Variants in BYSL observed in about 807,000 individuals in gnomAD.
BYSL encodes bystin like.
Under a neutral mutation model 45.4 loss-of-function variants are expected in BYSL, and 21 were observed. The observed-to-expected ratio is 0.46, with a 90% CI of 0.33 to 0.67. The LOEUF is 0.67. Ranked by LOEUF, BYSL falls within the 30% of genes least tolerant of loss-of-function variation. BYSL has a pLI of 0.02. For missense variants in BYSL, 522 were observed against 578.5 expected (o/e 0.90, Z 1.00); for synonymous variants, 215 against 231.3 (o/e 0.93, Z 0.64).
intron 1 of BYSL, among the ~76,000 whole-genome samples, chr6:41,926,295 C>G (rs1775562396): frequency 6.6e-6 from 1 of 152,134 alleles, no homozygotes; most frequent in African/African-American, 2.4e-5. Flanking sequence ...GCAGTCTAGA[C>G]CCAGACTACC....
chr6:41,925,606 G>T (rs1047961524), intron 1 of BYSL, among the ~76,000 whole-genome samples: 2 of 152,004 alleles, frequency 1.3e-5, no homozygotes, highest in Non-Finnish European at 2.9e-5. Context: ...CTCGTGATCC[G>T]CCCGCCTTGG....
intron 1 of BYSL, among the ~76,000 whole-genome samples, chr6:41,927,134 G>A (rs1775574533): frequency 6.6e-6 from 1 of 151,754 alleles, no homozygotes. Flanking sequence ...ACTGAGTATG[G>A]TATGTTAACT....
intron 2 of BYSL, among the ~76,000 whole-genome samples, chr6:41,929,674 G>A (rs1157629630): frequency 1.3e-5 from 2 of 152,138 alleles, no homozygotes; most frequent in South Asian, 2.1e-4. Flanking sequence ...CATAGATAAC[G>A]CTTACTGTGT....
chr6:41,909,301 T>C, the BYSL span: 2 of 1,614,088 alleles, frequency 1.2e-6, no homozygotes, highest in Non-Finnish European at 1.7e-6. Context: ...CTGGGCCCCA[T>C]TGTGACCGTG....
chr6:41,914,073 C>A, the BYSL span, among the ~76,000 whole-genome samples: 1 of 152,120 alleles, frequency 6.6e-6, no homozygotes, highest in Non-Finnish European at 1.5e-5. Context: ...GAAATGTATA[C>A]AGGGAACAAA....
At position 41,931,549 on chromosome 6, in the gene BYSL, G is replaced by T; in HGVS notation, c.858G>T (p.Trp286Cys). ...AGGCCCTTTTCAAACCTGGAGCCTG[G>T]TTCAAAGGTGGGATCCCAGAGGCAC... Reference protein sequence around the residue: ...LKKALFKPGAWFKGILIPLCE... With the variant: ...LKKALFKPGACFKGILIPLCE... The change falls in exon 5 of 7, where the codon TGG becomes TGT. Residue 286 changes from tryptophan (W) to cysteine (C), a missense_variant. Trp to Cys is a radical substitution (Grantham distance 215, BLOSUM62 -2). Transcript: ENST00000230340. The T allele has an allele frequency of 6.2e-7, 1 of 1,614,192 alleles. No individual in the cohort carries two copies. The highest frequency in any genetic ancestry group is 8.5e-7 in the Non-Finnish European group (1 of 1,180,032).
Position 41,921,793 on chromosome 6 carries a change from C to A in BYSL, c.231C>A (p.Asp77Glu), listed in dbSNP as rs1357725918. The change falls in exon 1 of 7, where the codon GAC (aspartate) becomes GAA (glutamate). Residue 77 changes from aspartate to glutamate, a missense_variant. Coordinates refer to ENST00000230340, the MANE Select transcript of BYSL (RefSeq NM_004053.4). ...TCGAGGCCGAGCATGGGACTGGGGA[C>A]AAGCCCGCGGCGCCGCGGGAACGCA... ...EELEAEHGTG[D>E]KPAAPRERTT... 6.2e-7 allele frequency: 1 copy of A among 1,612,378 alleles called. No individual in the cohort carries two copies. Among genetic ancestry groups the A allele is most frequent in the Non-Finnish European group, 8.5e-7 (1 of 1,179,662 alleles).
rs1234093653 is a variant in BYSL, at chr6:41,932,446, C to T, written c.1054C>T (p.Leu352=). 21 of 1,614,078 alleles carry T rather than the reference C, an allele frequency of 1.3e-5. No individual in the cohort carries two copies. The highest frequency in any genetic ancestry group is 1.6e-4 in the Middle Eastern group (1 of 6,084). The part of the protein sequence containing the change: ...LRLLLDKKYA[L]PYRVLDALVF... ...ACTGCTGCTGGATAAGAAGTATGCA[C>T]TGCCTTACCGGGTGCTGGATGCCCT... Residue 352 remains leucine (L), a synonymous_variant, in exon 7 of 7, where the codon CTG becomes TTG. Transcript: ENST00000230340. This position sits in a 1 kb window ranked among gnomAD's most constrained non-coding sequence, Gnocchi z 4.7.
upstream of BYSL, chr6:41,921,414 G>A (rs1775463619): frequency 8.8e-7 from 1 of 1,130,288 alleles, no homozygotes; most frequent in Non-Finnish European, 1.2e-6. Flanking sequence ...TGGGAGGGGC[G>A]GCGCTGATGG....
chr6:41,927,717 C>T, intron 2 of BYSL, 181 bp downstream of exon 2: 2 of 658,160 alleles, frequency 3.0e-6, no homozygotes, highest in Non-Finnish European at 5.0e-6. Context: ...ATGACCCAGC[C>T]TCAAAAAACA....
At chr6:41,916,886 A>T (rs750378983), upstream of BYSL, 1 of 1,614,020 alleles carries the variant, frequency 6.2e-7, no homozygotes, top group Non-Finnish European at 8.5e-7. Flanking sequence ...CCGGGTAAGG[A>T]GCTCTACGGT....
At position 41,921,523 on chromosome 6, in the gene BYSL, TCC is replaced by T. The variant is rs1775471180; in HGVS notation, c.-37_-36del. ...CAAGCGCATCCTGGCCTTTCTTCAG[TCC>T]CCACGTGCGATCCTTCCCGGCAACT... On this transcript the variant is annotated 5_prime_UTR_variant, in exon 1 of 7. Transcript: ENST00000230340. 6.5e-7 allele frequency: 1 copy of T among 1,532,410 alleles called. No individual in the cohort carries two copies. The highest frequency in any genetic ancestry group is 2.0e-5 in the Admixed American group (1 of 48,910). 94.9% of individuals were successfully genotyped at this position (1,532,410 alleles called of 1,614,324 possible). A position where few individuals can be genotyped will look rare whatever the true frequency, so the allele number is the denominator to read the frequency against.
chr6:41,915,415 C>T, the BYSL span, among the ~76,000 whole-genome samples: 7 of 152,100 alleles, frequency 4.6e-5, no homozygotes, highest in East Asian at 1.3e-3. Context: ...GATCAACTGA[C>T]CCCAGGAATT....
Position 41,932,750 on chromosome 6 carries a change from C to A in BYSL, c.*44C>A. Reference sequence around the variant, plus strand: ...CTGGCCAAAGGGGTTTGGAAGGACACCAAGACCCCCGTTGGTGACTGAAGA... The same window carrying A: ...CTGGCCAAAGGGGTTTGGAAGGACAACAAGACCCCCGTTGGTGACTGAAGA... On this transcript the variant is annotated 3_prime_UTR_variant, in exon 7 of 7. Transcript: ENST00000230340. The surrounding 1 kb of genome is among the most constrained non-coding windows in gnomAD (Gnocchi z 4.7). The A allele has an allele frequency of 6.4e-7, 1 of 1,551,078 alleles. No homozygotes were observed. The highest frequency in any genetic ancestry group is 1.2e-5 in the South Asian group (1 of 82,386).
At chr6:41,915,221 C>A in the BYSL span, among the ~76,000 whole-genome samples, 2 of 152,094 alleles carry the variant, frequency 1.3e-5, no homozygotes, top group African/African-American at 4.8e-5. Flanking sequence ...ATCCCTTGAG[C>A]TCAGGAGTTT....
chr6:41,911,688 G>C, the BYSL span, among the ~76,000 whole-genome samples: 1 of 152,016 alleles, frequency 6.6e-6, no homozygotes, highest in Admixed American at 6.6e-5. Context: ...AAAAGGGTGC[G>C]AGGGCGGCGA....
chr6:41,931,514 G>A lies in BYSL; in HGVS notation c.823G>A (p.Ala275Thr), dbSNP rs774498965. 10 of 1,614,146 alleles carry A rather than the reference G, an allele frequency of 6.2e-6. No homozygotes were observed. The South Asian group carries it at 1.1e-4, about 18-fold the overall frequency. ...YKRLNFHLYM[A>T]LKKALFKPGA... Reference sequence around the variant, plus strand: ...ACGACTCAACTTCCATCTCTACATGGCTCTCAAGAAGGCCCTTTTCAAACC... The same window carrying A: ...ACGACTCAACTTCCATCTCTACATGACTCTCAAGAAGGCCCTTTTCAAACC... Residue 275 changes from alanine to threonine, a missense_variant, in exon 5 of 7, where the codon GCT becomes ACT. By Grantham distance (58) the Ala-to-Thr change is moderately conservative. Transcript: ENST00000230340.
At chr6:41,925,813 A>G (rs1005967391) in intron 1 of BYSL, among the ~76,000 whole-genome samples, 3 of 151,718 alleles carry the variant, frequency 2.0e-5, no homozygotes, top group African/African-American at 7.3e-5. Context: ...AGCCTTCCCA[A>G]GTAGCTGGGA....
Position 41,930,646 on chromosome 6 carries a change from G to A in BYSL, c.582G>A (p.Lys194=). 6.2e-7 allele frequency: 1 copy of A among 1,611,968 alleles called. No homozygotes were observed. The highest frequency in any genetic ancestry group is 8.5e-7 in the Non-Finnish European group (1 of 1,179,248). Residue 194 remains lysine, a synonymous_variant, in exon 4 of 7, where the codon AAG becomes AAA. Transcript: ENST00000230340. The part of the protein sequence containing the change: ...VYRGVREVLS[K]YRSGKLPKAF... The stretch of plus-strand genomic sequence containing the variant: ...TCCCTCATCCCTAGGTATTATCTAA[G>A]TACCGCAGTGGAAAACTGCCCAAGG...
Sources: allele counts gnomAD v4.1 joint callset (sites outside exome capture counted in the v4.1 genomes callset), GRCh38; gene constraint gnomAD v4.1.1; non-coding constraint Gnocchi (gnomAD v3.1); transcripts MANE v1.5; gene names NCBI Gene and HGNC (gene_info 2026-07-23, HGNC 2026-07-21).